The following RPS24 variants were observed in gnomAD, a reference collection of about 807,000 sequenced individuals.
The protein encoded by RPS24 is small ribosomal subunit protein eS24.
For missense variants in RPS24, 100 were observed against 162.5 expected, an observed-to-expected ratio of 0.62 and a Z score of 2.09; for synonymous variants, 72 against 55.6, an observed-to-expected ratio of 1.30 and a Z score of -1.31.
chr10:78,040,817 T>G, downstream of RPS24: 1 of 728,468 alleles, frequency 1.4e-6, no homozygotes, highest in Non-Finnish European at 2.3e-6. Flanking sequence ...AAACTTAATG[T>G]CATGGGGTGG....
downstream of RPS24, among the ~76,000 whole-genome samples, chr10:78,041,980 A>T (rs61421048): frequency 0.052 from 7,906 of 152,254 alleles, 656 homozygotes; most frequent in African/African-American, 0.18. Flanking sequence ...GGGAGGTGGG[A>T]TGAAACTCAG....
Position 78,054,527 on chromosome 10 carries a change from G to T in RPS24, c.391-4G>T, listed in dbSNP as rs760470711. ...AGACTATTCTCTCCTTCCCGCTTTTGCAGATGAGGGAATTGGGGCTTGGAG... is the reference window on the plus strand; with the variant it reads ...AGACTATTCTCTCCTTCCCGCTTTTTCAGATGAGGGAATTGGGGCTTGGAG... On this transcript the variant is annotated splice_polypyrimidine_tract_variant and splice_region_variant and intron_variant, in intron 4 of 4. Coordinates refer to the RPS24 transcript ENST00000440692. The T allele has an allele frequency of 1.2e-5, 19 of 1,531,202 alleles. No homozygotes were observed. The African/African-American group carries it at 2.6e-4, about 21-fold the overall frequency. The allele number at this position is 1,531,202 out of a possible 1,614,324, so 94.9% of individuals were successfully genotyped here. A position where few individuals can be genotyped will look rare whatever the true frequency, so the allele number is the denominator to read the frequency against.
chr10:78,037,024 C>T (rs761904684), intron 3 of RPS24, among the ~76,000 whole-genome samples, 170 bp from the exon 4 acceptor site: 4 of 152,126 alleles, frequency 2.6e-5, no homozygotes, highest in Non-Finnish European at 5.9e-5. Context: ...ACCTAAAATC[C>T]CTTGATGATC....
At chr10:78,038,628 C>T (rs1201442482) in intron 4 of RPS24, 1 of 151,556 alleles carries the variant, frequency 6.6e-6, no homozygotes, top group South Asian at 2.1e-4. Context: ...CCCACAAGCA[C>T]TTGGTTAGAA....
At chr10:78,039,411 C>G (rs1179941536) in intron 4 of RPS24, 1 of 152,232 alleles carries the variant, frequency 6.6e-6, no homozygotes, top group Non-Finnish European at 1.5e-5. Flanking sequence ...ATCACTATTC[C>G]TGCTTCAAGT....
rs766002899 is a variant in RPS24, at chr10:78,047,122, AT to A, written c.391-7395del. ...TGGTGCCTGCCACCACGCCTGGCTA[AT>A]TTTTTTTTTTTTTGTACTTTTTAGT... On this transcript the variant is annotated intron_variant, in intron 4 of 4. Transcript: ENST00000440692. Among the ~76,000 whole-genome samples, 564 of 142,234 alleles carry A rather than the reference AT, an allele frequency of 4.0e-3. 1 individual carries two copies. Among genetic ancestry groups the A allele is most frequent in the Admixed American group, 4.9e-3 (70 of 14,178 alleles). The allele number at this position is 142,234 out of a possible 152,430, so 93.3% of individuals were successfully genotyped here.
chr10:78,038,107 T>A, intron 4 of RPS24: 1 of 487,128 alleles, frequency 2.1e-6, no homozygotes, highest in Non-Finnish European at 3.4e-6. Flanking sequence ...CCAGTGCTAT[T>A]TAGGCTGGTG....
intron 4 of RPS24, chr10:78,039,893 T>C: frequency 2.2e-6 from 1 of 451,500 alleles, no homozygotes; most frequent in South Asian, 2.1e-5. Flanking sequence ...AGGTATGTAC[T>C]TCATTGACAA....
chr10:78,054,469 A>C, intron 4 of RPS24: 1 of 1,422,112 alleles, frequency 7.0e-7, no homozygotes, highest in Non-Finnish European at 9.5e-7. Flanking sequence ...GGCGCAGAAC[A>C]GGGCGGCTGG....
intron 4 of RPS24, among the ~76,000 whole-genome samples, chr10:78,052,623 T>A (rs983989862): frequency 2.0e-5 from 3 of 152,046 alleles, no homozygotes; most frequent in Non-Finnish European, 4.4e-5. Flanking sequence ...TTGGACCCCT[T>A]CTAGGGGTTA....
intron 4 of RPS24, among the ~76,000 whole-genome samples, chr10:78,046,076 G>A (rs1848040382): frequency 1.3e-5 from 2 of 152,046 alleles, no homozygotes; most frequent in South Asian, 4.1e-4. Context: ...AGCACCTGAT[G>A]TTTTAATAGC....
downstream of RPS24, chr10:78,040,742 T>C (rs1847976005): frequency 3.6e-6 from 5 of 1,387,874 alleles, no homozygotes; most frequent in East Asian, 2.3e-5. Context: ...CTGGGACTGC[T>C]AGGAGGTTAG....
chr10:78,036,979 G>A (rs1374651305), intron 3 of RPS24, among the ~76,000 whole-genome samples: 1 of 152,204 alleles, frequency 6.6e-6, no homozygotes, highest in Non-Finnish European at 1.5e-5. Flanking sequence ...AGAGAATGTT[G>A]AGTGGACCAT....
intron 4 of RPS24, among the ~76,000 whole-genome samples, chr10:78,046,132 G>T (rs1020269578): frequency 9.2e-5 from 14 of 152,054 alleles, no homozygotes; most frequent in African/African-American, 2.4e-4. Flanking sequence ...AGCTTCCCAG[G>T]TGAGCTCAGG....
intron 4 of RPS24, among the ~76,000 whole-genome samples, chr10:78,046,113 CTG>C (rs2131989925): frequency 6.6e-6 from 1 of 152,162 alleles, no homozygotes; most frequent in African/African-American, 2.4e-5. Flanking sequence ...CTTCAGGAAA[CTG>C]GACTGAAGCT....
chr10:78,035,759 C>T (rs1048901781), intron 3 of RPS24, 39 bp downstream of exon 3: 1 of 1,528,650 alleles, frequency 6.5e-7, no homozygotes, highest in African/African-American at 1.4e-5. Context: ...TCCTGAAGAC[C>T]TATTTTTTCA....
At chr10:78,042,044 T>G (rs1298526769), downstream of RPS24, among the ~76,000 whole-genome samples, 1 of 152,232 alleles carries the variant, frequency 6.6e-6, no homozygotes, top group Non-Finnish European at 1.5e-5. Context: ...ATAGAAAATG[T>G]GGCAGTCTTG....
At chr10:78,044,880 C>G, downstream of RPS24, among the ~76,000 whole-genome samples, 1 of 151,714 alleles carries the variant, frequency 6.6e-6, no homozygotes, top group Middle Eastern at 3.4e-3. Context: ...TTTCACATGC[C>G]GAGTTCCTCC....
chr10:78,054,507 A>C (rs1848130969), intron 4 of RPS24: 1 of 1,514,154 alleles, frequency 6.6e-7, no homozygotes, highest in Non-Finnish European at 8.9e-7. Flanking sequence ...CTCTGAGACT[A>C]TTCTCTCCTT....
Sources: gnomAD v4.1 joint callset for allele counts (sites outside exome capture counted in the v4.1 genomes callset) on GRCh38, gnomAD v4.1.1 for gene constraint, MANE v1.5 for transcripts, NCBI Gene and HGNC (gene_info 2026-07-23, HGNC 2026-07-21) for gene names.